The following CACNA1D variants were observed in gnomAD, a reference collection of about 807,000 sequenced individuals.
CACNA1D encodes the protein calcium voltage-gated channel subunit alpha1 D.
CACNA1D carries 55 observed loss-of-function variants against 257.1 expected under a neutral mutation model. The observed-to-expected ratio is 0.21, with a 90% CI of 0.17 to 0.27. CACNA1D has a LOEUF of 0.27. Among genes scored for constraint, CACNA1D ranks in the 10% least tolerant of loss-of-function variants. CACNA1D has a pLI of 1.00. For missense variants in CACNA1D, 1,876 were observed against 2,784.0 expected (o/e 0.67, Z 7.34); for synonymous variants, 980 against 1,014.9 (o/e 0.97, Z 0.65).
chr3:53,504,372 G>T (rs2090735958), intron 3 of CACNA1D, among the ~76,000 whole-genome samples: 1 of 151,952 alleles, frequency 6.6e-6, no homozygotes, highest in South Asian at 2.1e-4. Flanking sequence ...GACTTTTTTT[G>T]GGGAAGAAAC....
rs774878323 is a variant in CACNA1D, at chr3:53,497,377, C to T, written c.293C>T (p.Ser98Phe). 1.2e-6 allele frequency: 2 copies of T among 1,614,206 alleles called. No homozygotes were observed. Among genetic ancestry groups the T allele is most frequent in the Non-Finnish European group, 1.7e-6 (2 of 1,180,044 alleles). ...AAGAGCAAAAAACAGGGTAACTCGT[C>T]CAACAGCCGACCTGCCCGCGCCCTT... ...YAKSKKQGNS[S>F]NSRPARALFC... The change falls in exon 2 of 48, where the codon TCC becomes TTC. Residue 98 changes from serine (S) to phenylalanine (F), a missense_variant. Coordinates refer to ENST00000350061, the MANE Select transcript of CACNA1D (RefSeq NM_001128840.3).
intron 3 of CACNA1D, among the ~76,000 whole-genome samples, chr3:53,536,043 T>G (rs1313492310): frequency 6.6e-6 from 1 of 152,146 alleles, no homozygotes; most frequent in Non-Finnish European, 1.5e-5. Context: ...CTTCTGGGCT[T>G]GTTGGTTGGT....
In CACNA1D at chr3:53,732,023, T is replaced by G. The variant is rs147933585; in HGVS notation, c.2414T>G (p.Ile805Ser). The change falls in exon 18 of 48, where the codon ATT becomes AGT. Residue 805 changes from isoleucine (I) to serine (S), a missense_variant. Around this residue, in one of 10 missense-constraint regions of CACNA1D, gnomAD observed 78 missense variants for 69.2 expected, o/e 1.13. Transcript: ENST00000350061. ...ATGTCTTTGTCATCCTAGGTTACAA[T>G]TGATGACTATAGAGAAGAGGATGAA... Reference protein sequence around the residue: ...QIANSDNKVTIDDYREEDEDK... With the variant: ...QIANSDNKVTSDDYREEDEDK... The G allele has an allele frequency of 3.1e-6, 5 of 1,604,598 alleles. No individual in the cohort carries two copies. Among genetic ancestry groups the G allele is most frequent in the African/African-American group, 1.3e-5 (1 of 74,766 alleles).
chr3:53,790,980 G>C (rs776312299), intron 40 of CACNA1D: 1 of 702,310 alleles, frequency 1.4e-6, no homozygotes, highest in South Asian at 1.5e-5. Flanking sequence ...GTTTGTTTCA[G>C]ATGCTTGAAC....
rs138863364 is a variant in CACNA1D at position 53,672,695 on chromosome 3, C to T, written c.1117-328C>T. Among the ~76,000 whole-genome samples the T allele has an allele frequency of 9.3e-5, 14 of 151,302 alleles. 1 individual carries two copies. In the East Asian group the frequency reaches 2.5e-3, roughly 27 times the overall value. ...GTTTCCTGTAAGAAAAAGCCATATC[C>T]CAGCTGATTTTCCTTCCTGGGGCCA... is the stretch of plus-strand genomic sequence containing the variant. On this transcript the variant is annotated intron_variant, in intron 7 of 47. Transcript: ENST00000350061.
intron 33 of CACNA1D, chr3:53,773,586 C>G (rs2095379172): frequency 6.6e-6 from 1 of 152,176 alleles, no homozygotes. Flanking sequence ...TGCTGTCTTT[C>G]AGGTAAAGGA....
intron 40 of CACNA1D, among the ~76,000 whole-genome samples, chr3:53,798,740 T>G (rs1418141387): frequency 6.6e-6 from 1 of 152,170 alleles, no homozygotes; most frequent in Non-Finnish European, 1.5e-5. Context: ...TGACTTTACA[T>G]TCTAAATTAT....
At chr3:53,694,331 G>A (rs1473259104) in intron 8 of CACNA1D, among the ~76,000 whole-genome samples, 1 of 152,232 alleles carries the variant, frequency 6.6e-6, no homozygotes, top group African/African-American at 2.4e-5. Context: ...CAGGTGGAGA[G>A]ATGAGCGGAA....
Position 53,811,234 on chromosome 3 carries a change from C to A in CACNA1D, c.6314C>A (p.Thr2105Asn). The A allele has an allele frequency of 3.7e-6, 6 of 1,614,074 alleles. No individual in the cohort carries two copies. Among genetic ancestry groups the A allele is most frequent in the Non-Finnish European group, 4.2e-6 (5 of 1,180,030 alleles). ...GACGAGATGGAGAGTGCAGCCAGCA[C>A]CCTGCTTAATGGGAACGTGCGTCCC... ...TIDEMESAAS[T>N]LLNGNVRPRA... The change falls in exon 48 of 48, where the codon ACC (threonine) becomes AAC (asparagine). Residue 2105 changes from threonine (T) to asparagine (N), a missense_variant. Thr to Asn is a moderately conservative substitution (Grantham distance 65). This residue lies in a region of CACNA1D where 491 missense variants were observed against 554.3 expected (regional missense o/e 0.89). Transcript: ENST00000350061. This position sits in a 1 kb window ranked among gnomAD's most constrained non-coding sequence, Gnocchi z 4.2.
At chr3:53,610,778 A>T (rs979115347) in intron 3 of CACNA1D, among the ~76,000 whole-genome samples, 2 of 152,096 alleles carry the variant, frequency 1.3e-5, no homozygotes, top group African/African-American at 4.8e-5. Context: ...CTTGCCACAT[A>T]AGCTATATCT....
At chr3:53,540,231 G>A (rs1282269787) in intron 3 of CACNA1D, among the ~76,000 whole-genome samples, 1 of 151,808 alleles carries the variant, frequency 6.6e-6, no homozygotes, top group Non-Finnish European at 1.5e-5. Flanking sequence ...CGATTCTCCT[G>A]CCTCAGCCTC....
intron 9 of CACNA1D, among the ~76,000 whole-genome samples, chr3:53,704,402 C>T (rs556473111): frequency 1.4e-3 from 207 of 152,238 alleles, no homozygotes; most frequent in Non-Finnish European, 2.4e-3. Flanking sequence ...GACTTTAGCA[C>T]CTGAGGATCA....
intron 3 of CACNA1D, among the ~76,000 whole-genome samples, chr3:53,643,835 G>C (rs1436426510): frequency 6.6e-6 from 1 of 152,180 alleles, no homozygotes; most frequent in Non-Finnish European, 1.5e-5. Context: ...GCCCTGAACA[G>C]CTTGCCTTCG....
intron 3 of CACNA1D, among the ~76,000 whole-genome samples, chr3:53,539,640 G>T (rs1031785618): frequency 6.6e-6 from 1 of 152,170 alleles, no homozygotes; most frequent in Non-Finnish European, 1.5e-5. Context: ...CATAGAAGTC[G>T]AATTGCTGGG....
In CACNA1D at chr3:53,811,692, CAT is replaced by C; in HGVS notation, c.*287_*288del. On this transcript the variant is annotated 3_prime_UTR_variant, in exon 48 of 48. Transcript: ENST00000350061. The surrounding 1 kb of genome is among the most constrained non-coding windows in gnomAD (Gnocchi z 4.2). Reference sequence around the variant, plus strand: ...TGAGGAGGCCAGACCTGCCCTGCCCCATTGTCCAGATGGGCACTGCTGTGGAG... The same window carrying C: ...TGAGGAGGCCAGACCTGCCCTGCCCCTGTCCAGATGGGCACTGCTGTGGAG... The C allele has an allele frequency of 3.2e-6, 1 of 317,104 alleles. No individual in the cohort carries two copies. Among genetic ancestry groups the C allele is most frequent in the Non-Finnish European group, 5.8e-6 (1 of 171,934 alleles). The allele number at this position is 317,104 out of a possible 1,614,324, so 19.6% of individuals were successfully genotyped here.
chr3:53,516,787 A>T (rs1325836255), intron 3 of CACNA1D, among the ~76,000 whole-genome samples: 1 of 152,172 alleles, frequency 6.6e-6, no homozygotes, highest in African/African-American at 2.4e-5. Flanking sequence ...GACAAGCCAT[A>T]CGGTAGTTAC....
intron 3 of CACNA1D, among the ~76,000 whole-genome samples, chr3:53,586,955 G>A (rs1178670920): frequency 1.3e-5 from 2 of 152,174 alleles, no homozygotes; most frequent in Non-Finnish European, 2.9e-5. Context: ...GTGTGTAGGT[G>A]AGACATGGAT....
intron 3 of CACNA1D, among the ~76,000 whole-genome samples, chr3:53,603,733 A>C (rs561413639): frequency 2.6e-5 from 4 of 152,318 alleles, no homozygotes; most frequent in Admixed American, 2.0e-4. Context: ...CCCCAGAACA[A>C]TGATGCCTCA....
intron 4 of CACNA1D, among the ~76,000 whole-genome samples, chr3:53,652,711 C>A (rs1192476400): frequency 2.0e-5 from 3 of 152,238 alleles, no homozygotes; most frequent in African/African-American, 7.2e-5. Context: ...GGCTGGCAAA[C>A]TGTGGCCAAT....
Sources: gnomAD v4.1 joint callset for allele counts (sites outside exome capture counted in the v4.1 genomes callset) on GRCh38, gnomAD v4.1.1 for gene constraint, gnomAD v4.1.1 regional missense constraint, Gnocchi (gnomAD v3.1) non-coding constraint, MANE v1.5 for transcripts, NCBI Gene and HGNC (gene_info 2026-07-23, HGNC 2026-07-21) for gene names.